CSNK1G3: variants seen among roughly 807,000 people sequenced by gnomAD.
CSNK1G3 encodes casein kinase 1 gamma 3, also known as casein kinase I isoform gamma-3.
Under a neutral mutation model 64.3 loss-of-function variants are expected in CSNK1G3, and 23 were observed. The ratio of observed to expected loss-of-function variants is 0.36; its 90% CI spans 0.26 to 0.51. The LOEUF (loss-of-function observed/expected upper bound fraction) is 0.51, where lower values mean the gene tolerates loss of function less well. Among genes scored for constraint, CSNK1G3 ranks in the 20% least tolerant of loss-of-function variants. CSNK1G3 has a pLI of 0.96. For missense variants in CSNK1G3, 357 were observed against 510.5 expected (o/e 0.70, Z 2.90); for synonymous variants, 158 against 162.2 (o/e 0.97, Z 0.20).
intron 11 of CSNK1G3, 116 bp from the exon 13 acceptor site, chr5:123,605,223 C>A: frequency 1.2e-6 from 1 of 865,024 alleles, no homozygotes; most frequent in Non-Finnish European, 1.8e-6. Context: ...ATTATAACAA[C>A]ATTGCTTGGA....
intron 4 of CSNK1G3, among the ~76,000 whole-genome samples, chr5:123,560,293 C>T (rs112410101): frequency 1.5e-4 from 23 of 151,980 alleles, no homozygotes; most frequent in African/African-American, 5.1e-4. Context: ...AAAAAGCCAC[C>T]GTGGAAAATT....
chr5:123,548,136 G>T (rs1461185565), intron 2 of CSNK1G3, among the ~76,000 whole-genome samples: 2 of 152,046 alleles, frequency 1.3e-5, no homozygotes, highest in East Asian at 3.9e-4. Flanking sequence ...GTAGAATACT[G>T]TCCCAGACAT....
At chr5:123,596,068 G>A (rs984386136) in intron 10 of CSNK1G3, among the ~76,000 whole-genome samples, 3 of 151,594 alleles carry the variant, frequency 2.0e-5, no homozygotes, top group Admixed American at 6.6e-5. Context: ...AACTGATTCT[G>A]TACTCTGGGT....
At chr5:123,556,504 T>C (rs1784647222) in intron 3 of CSNK1G3, among the ~76,000 whole-genome samples, 1 of 152,048 alleles carries the variant, frequency 6.6e-6, no homozygotes, top group South Asian at 2.1e-4. Flanking sequence ...GCATTCTATA[T>C]AGTTTTTCTG....
At chr5:123,616,140 G>C (rs1263395568) in exon 13 of CSNK1G3, 6 of 152,274 alleles carry the variant, frequency 3.9e-5, no homozygotes, top group Middle Eastern at 3.4e-3. Flanking sequence ...GTATAATTTG[G>C]TCAACAGTTT....
intron 10 of CSNK1G3, among the ~76,000 whole-genome samples, chr5:123,599,130 G>C (rs1015104648): frequency 1.3e-5 from 2 of 152,164 alleles, no homozygotes; most frequent in Non-Finnish European, 2.9e-5. Context: ...ATCGAGCTCA[G>C]TGCAAACTGA....
At chr5:123,579,887 TA>T (rs1284374205) in intron 6 of CSNK1G3, among the ~76,000 whole-genome samples, 2 of 152,106 alleles carry the variant, frequency 1.3e-5, no homozygotes, top group East Asian at 3.9e-4. Context: ...AGTAGGTGGG[TA>T]ATATTAACAG....
At chr5:123,538,545 C>T (rs1781190065) in intron 1 of CSNK1G3, among the ~76,000 whole-genome samples, 1 of 152,016 alleles carries the variant, frequency 6.6e-6, no homozygotes. Flanking sequence ...AACACATGGA[C>T]ACAGGGAGGG....
chr5:123,557,429 A>G (rs1784853586), intron 3 of CSNK1G3, 66 bp from the exon 4 acceptor site: 2 of 1,218,256 alleles, frequency 1.6e-6, no homozygotes. Context: ...AATTTATAAC[A>G]TTTGTGTTGG....
chr5:123,581,418 T>A (rs1013155901), intron 6 of CSNK1G3, among the ~76,000 whole-genome samples: 12 of 149,038 alleles, frequency 8.1e-5, no homozygotes, highest in Middle Eastern at 3.5e-3. Context: ...TTTGATAGTG[T>A]GTGTAGTATA....
At chr5:123,531,931 C>T (rs1452221846) in intron 1 of CSNK1G3, among the ~76,000 whole-genome samples, 2 of 151,582 alleles carry the variant, frequency 1.3e-5, no homozygotes, top group Admixed American at 1.3e-4. Context: ...TAATGGGTGC[C>T]TAATTTTTAA....
intron 12 of CSNK1G3, among the ~76,000 whole-genome samples, chr5:123,609,408 C>G (rs942517280): frequency 2.6e-5 from 4 of 152,064 alleles, no homozygotes; most frequent in African/African-American, 9.7e-5. Flanking sequence ...GGTTAGTATT[C>G]TCTAGTAAAC....
intron 10 of CSNK1G3, among the ~76,000 whole-genome samples, chr5:123,592,740 C>CTATATA (rs3066504): frequency 2.4e-4 from 36 of 148,034 alleles, no homozygotes; most frequent in African/African-American, 5.2e-4. Flanking sequence ...CAATATTATG[C>CTATATA]TATATATATA....
chr5:123,584,239 G>T lies in CSNK1G3; in HGVS notation c.674-3829G>T, dbSNP rs183205375. Among the ~76,000 whole-genome samples, 420 of 152,196 alleles carry T rather than the reference G, an allele frequency of 2.8e-3. 1 individual carries two copies. Among genetic ancestry groups the T allele is most frequent in the African/African-American group, 9.4e-3 (389 of 41,528 alleles). ...AGAAAGGGTAAGAGTGGACATCTTT[G>T]TTCGTTCTTGATCTTAGGAGTGTCT... On this transcript the variant is annotated intron_variant, in intron 6 of 12. Transcript: ENST00000345990.
At chr5:123,525,275 C>A (rs1778842248) in intron 1 of CSNK1G3, among the ~76,000 whole-genome samples, 1 of 149,610 alleles carries the variant, frequency 6.7e-6, no homozygotes, top group Non-Finnish European at 1.5e-5. Context: ...GATTAAACGC[C>A]TTGCAAGGCA....
intron 1 of CSNK1G3, among the ~76,000 whole-genome samples, chr5:123,530,042 G>A (rs952119799): frequency 2.0e-5 from 3 of 151,274 alleles, no homozygotes; most frequent in South Asian, 2.1e-4. Context: ...AGATGTGTTC[G>A]GGCCACTGCA....
At chr5:123,517,553 T>TA (rs1234305749) in intron 1 of CSNK1G3, among the ~76,000 whole-genome samples, 5 of 152,254 alleles carry the variant, frequency 3.3e-5, no homozygotes, top group South Asian at 2.1e-4. Context: ...CCTAACGATC[T>TA]AAAAAAATCT....
intron 1 of CSNK1G3, among the ~76,000 whole-genome samples, chr5:123,536,785 T>C (rs76402716): frequency 0.02 from 3,049 of 152,192 alleles, 108 homozygotes; most frequent in African/African-American, 0.07. Flanking sequence ...AGGACATGAA[T>C]AGACATTTTT....
At chr5:123,598,385 AAGTC>A (rs1414777915) in intron 10 of CSNK1G3, among the ~76,000 whole-genome samples, 1 of 152,180 alleles carries the variant, frequency 6.6e-6, no homozygotes, top group Non-Finnish European at 1.5e-5. Flanking sequence ...GTCCATGAAG[AAGTC>A]AGTCAAGGAG....
Sources: gnomAD v4.1 joint callset for allele counts (sites outside exome capture counted in the v4.1 genomes callset) on GRCh38, gnomAD v4.1.1 for gene constraint, MANE v1.5 for transcripts, NCBI Gene and HGNC (gene_info 2026-07-23, HGNC 2026-07-21) for gene names.